VTI1A: variants seen among roughly 807,000 people sequenced by gnomAD.
VTI1A encodes vesicle transport through interaction with t-SNAREs 1A, also known as vesicle transport through interaction with t-SNAREs homolog 1A.
Under a neutral mutation model 34.9 loss-of-function variants are expected in VTI1A, and 22 were observed. That is an observed-to-expected ratio of 0.63 (90% CI 0.45 to 0.90). VTI1A has a LOEUF of 0.90. Among genes scored for constraint, VTI1A ranks in the 40% least tolerant of loss-of-function variants. The probability of loss-of-function intolerance (pLI) is 0.00; values close to 1 mark genes in which losing one functional copy is unlikely to be tolerated. For synonymous variants in VTI1A, 87 were observed against 97.3 expected, an observed-to-expected ratio of 0.89 and a Z score of 0.62; for missense variants, 268 against 275.6, an observed-to-expected ratio of 0.97 and a Z score of 0.20.
the VTI1A span, among the ~76,000 whole-genome samples, chr10:112,853,780 C>T: frequency 1.3e-5 from 2 of 152,222 alleles, no homozygotes; most frequent in Non-Finnish European, 2.9e-5. Context: ...GCAACAGATT[C>T]TCCAGCTGTG....
chr10:112,518,627 G>C (rs1471641140), intron 3 of VTI1A, among the ~76,000 whole-genome samples: 1 of 133,658 alleles, frequency 7.5e-6, no homozygotes, highest in Non-Finnish European at 1.6e-5. Flanking sequence ...GTGTGTGTAT[G>C]TGTATATATA....
intron 7 of VTI1A, among the ~76,000 whole-genome samples, chr10:112,781,647 C>A (rs1852130474): frequency 6.6e-6 from 1 of 151,938 alleles, no homozygotes; most frequent in East Asian, 2.0e-4. Flanking sequence ...TTGAGACCAG[C>A]CTGGCCAACA....
intron 3 of VTI1A, among the ~76,000 whole-genome samples, chr10:112,479,057 C>T (rs957379657): frequency 6.6e-6 from 1 of 152,138 alleles, no homozygotes; most frequent in African/African-American, 2.4e-5. Flanking sequence ...ATCCCAGCTA[C>T]TAGGGAGGCT....
At chr10:112,487,316 G>T (rs1327921826) in intron 3 of VTI1A, among the ~76,000 whole-genome samples, 1 of 152,068 alleles carries the variant, frequency 6.6e-6, no homozygotes, top group Non-Finnish European at 1.5e-5. Flanking sequence ...TAGAGACAGG[G>T]TTTCACCCCA....
chr10:112,549,217 T>A (rs1216846843), intron 5 of VTI1A, among the ~76,000 whole-genome samples: 1 of 152,230 alleles, frequency 6.6e-6, no homozygotes, highest in East Asian at 1.9e-4. Flanking sequence ...AAATTTCTGA[T>A]TCTGTCCTAT....
intron 3 of VTI1A, among the ~76,000 whole-genome samples, chr10:112,492,966 CCCATT>C (rs1201383904): frequency 6.6e-6 from 1 of 152,176 alleles, no homozygotes; most frequent in Non-Finnish European, 1.5e-5. Context: ...CATTCGTACT[CCCATT>C]CCATGTGACC....
rs868113902 is a variant in VTI1A at position 112,816,779 on chromosome 10, G to T, written c.*1396G>T. 6 of 228,210 alleles carry T rather than the reference G, an allele frequency of 2.6e-5. No individual in the cohort carries two copies. The South Asian group carries it at 5.5e-4, about 21-fold the overall frequency. The allele number at this position is 228,210 out of a possible 1,614,324, so 14.1% of individuals were successfully genotyped here. On this transcript the variant is annotated 3_prime_UTR_variant, in exon 8 of 8. Transcript: ENST00000393077. Reference sequence around the variant, plus strand: ...TCAAAAATGCTAACCACCTGTGCCCGTGGATCAATATCACCTGGATGTAGT... The same window carrying T: ...TCAAAAATGCTAACCACCTGTGCCCTTGGATCAATATCACCTGGATGTAGT...
At chr10:112,688,244 A>G (rs1848493427) in intron 7 of VTI1A, among the ~76,000 whole-genome samples, 1 of 151,856 alleles carries the variant, frequency 6.6e-6, no homozygotes, top group South Asian at 2.1e-4. Context: ...GTGAGCCCCT[A>G]TGCCTGGCCA....
intron 5 of VTI1A, among the ~76,000 whole-genome samples, chr10:112,549,303 C>G (rs984954460): frequency 3.3e-5 from 5 of 152,170 alleles, no homozygotes; most frequent in South Asian, 2.1e-4. Flanking sequence ...TCGTTGAGCC[C>G]TACTGAGTGT....
chr10:112,811,886 G>A (rs1350277875), intron 7 of VTI1A, among the ~76,000 whole-genome samples: 3 of 152,134 alleles, frequency 2.0e-5, no homozygotes, highest in Admixed American at 6.5e-5. Flanking sequence ...GCTGCCACAC[G>A]CAGGAGCTCG....
At chr10:112,518,577 CTCTCTCTCTCTCTATATA>C (rs1388824841) in intron 3 of VTI1A, among the ~76,000 whole-genome samples, 112 of 103,910 alleles carry the variant, frequency 1.1e-3, no homozygotes, top group African/African-American at 4.7e-3. Context: ...CTCTCTCTCT[CTCTCTCTCTCTCTATATA>C]TATATATATA....
At chr10:112,841,216 C>A in the VTI1A span, among the ~76,000 whole-genome samples, 2 of 152,156 alleles carry the variant, frequency 1.3e-5, no homozygotes, top group Admixed American at 1.3e-4. Context: ...GACCCTCTCC[C>A]CAACTAGGCC....
Position 112,732,880 on chromosome 10 carries a change from T to A in VTI1A, c.560+63882T>A, listed in dbSNP as rs551541433. On this transcript the variant is annotated intron_variant, in intron 7 of 7. Transcript: ENST00000393077. ...CTCTGATATGTTTTCACATGGCAGATTGACTGCTCACATTACTAGGTCAGC... is the reference window on the plus strand; with the variant it reads ...CTCTGATATGTTTTCACATGGCAGAATGACTGCTCACATTACTAGGTCAGC... 3.9e-5 allele frequency among the ~76,000 whole-genome samples: 6 copies of A among 152,076 alleles called. No individual in the cohort carries two copies. In the South Asian group the frequency reaches 1.2e-3, roughly 32 times the overall value.
chr10:112,474,067 C>CT (rs950845596), intron 3 of VTI1A, among the ~76,000 whole-genome samples: 174 of 146,598 alleles, frequency 1.2e-3, no homozygotes, highest in Non-Finnish European at 1.3e-3. Context: ...ATGACTATGA[C>CT]TTTTTTTTTT....
At chr10:112,786,152 G>A (rs1220752253) in intron 7 of VTI1A, among the ~76,000 whole-genome samples, 4 of 151,988 alleles carry the variant, frequency 2.6e-5, no homozygotes, top group East Asian at 3.9e-4. Flanking sequence ...TAGATTTCAC[G>A]GTACAGGTCT....
intron 7 of VTI1A, among the ~76,000 whole-genome samples, chr10:112,675,597 A>G (rs1847996985): frequency 6.6e-6 from 1 of 152,246 alleles, no homozygotes; most frequent in Non-Finnish European, 1.5e-5. Flanking sequence ...ACTGTGTGGC[A>G]TTAACCAGAA....
At chr10:112,547,906 A>G (rs1053785240) in intron 5 of VTI1A, among the ~76,000 whole-genome samples, 3 of 152,088 alleles carry the variant, frequency 2.0e-5, no homozygotes, top group African/African-American at 4.8e-5. Flanking sequence ...AAAGCAATCA[A>G]TCAACAGTAG....
At chr10:112,749,138 A>G (rs1328438733) in intron 7 of VTI1A, among the ~76,000 whole-genome samples, 1 of 152,204 alleles carries the variant, frequency 6.6e-6, no homozygotes, top group Non-Finnish European at 1.5e-5. Flanking sequence ...GCATTAATAC[A>G]TGAACCAAGG....
At chr10:112,657,821 T>TGTGTGTG (rs35203233) in intron 5 of VTI1A, among the ~76,000 whole-genome samples, 1 of 136,248 alleles carries the variant, frequency 7.3e-6, no homozygotes, top group South Asian at 2.2e-4. Flanking sequence ...GTGTGTGTGT[T>TGTGTGTG]TGTGTGTGTA....
Sources: allele counts gnomAD v4.1 joint callset (sites outside exome capture counted in the v4.1 genomes callset), GRCh38; gene constraint gnomAD v4.1.1; transcripts MANE v1.5; gene names NCBI Gene and HGNC (gene_info 2026-07-23, HGNC 2026-07-21).